Variants in TMEM94 observed in about 807,000 individuals in gnomAD.
The protein encoded by TMEM94 is ER Mg2+ ATPase.
TMEM94 carries 81 observed loss-of-function variants against 158.6 expected under a neutral mutation model. The ratio of observed to expected loss-of-function variants is 0.51; its 90% CI spans 0.43 to 0.61. TMEM94 has a LOEUF of 0.61. Ranked by LOEUF, TMEM94 falls within the 20% of genes least tolerant of loss-of-function variation. The pLI, the probability that TMEM94 is intolerant of heterozygous loss-of-function variation, is 0.00. For missense variants in TMEM94, 1,435 were observed against 1,762.0 expected (o/e 0.81, Z 3.32); for synonymous variants, 751 against 730.7 (o/e 1.03, Z -0.45).
intron 1 of TMEM94, among the ~76,000 whole-genome samples, chr17:75,461,709 G>A (rs986645135): frequency 2.6e-5 from 4 of 151,588 alleles, no homozygotes; most frequent in Non-Finnish European, 4.4e-5. Context: ...GGATCACGAA[G>A]TCAGGAGATC....
Position 75,499,348 on chromosome 17 carries a change from GTGGCTGTAGT to G in TMEM94, c.*17_*26del. 6.2e-7 allele frequency: 1 copy of G among 1,612,192 alleles called. No homozygotes were observed. The highest frequency in any genetic ancestry group is 2.2e-5 in the East Asian group (1 of 44,878). ...TCTCCCTTCTGAGCCACTGGCTGTG[GTGGCTGTAGT>G]TGCCCCCGTCCCTGGGGCTAAAGCC... On this transcript the variant is annotated 3_prime_UTR_variant, in exon 32 of 32. Coordinates refer to ENST00000314256, the MANE Select transcript of TMEM94 (RefSeq NM_014738.6).
intron 16 of TMEM94, 51 bp downstream of exon 16, chr17:75,493,153 G>C: frequency 6.3e-7 from 1 of 1,576,996 alleles, no homozygotes; most frequent in Non-Finnish European, 8.6e-7. Flanking sequence ...CCAGAGCTTG[G>C]CAGGGGGGCT....
intron 1 of TMEM94, among the ~76,000 whole-genome samples, chr17:75,464,667 CCTTCCTTCCTTCTTTCTTTCTTTCTTT>C (rs1567906937): frequency 7.9e-5 from 10 of 127,216 alleles, no homozygotes; most frequent in Non-Finnish European, 1.3e-4. Flanking sequence ...TTCCTTCCTT[CCTTCCTTCCTTCTTTCTTTCTTTCTTT>C]CTTTCTTTCT....
In TMEM94 at chr17:75,485,512, C is replaced by T. The variant is rs747587845; in HGVS notation, c.109C>T (p.His37Tyr). 11 of 1,614,096 alleles carry T rather than the reference C, an allele frequency of 6.8e-6. No individual in the cohort carries two copies. In the South Asian group the frequency reaches 9.9e-5, roughly 14 times the overall value. ...GCAGCTGGAGGCAGTGCTGGAAGGA[C>T]ATCTCAGGGAGCGGAAGAAGTGTCT... ...KEQLEAVLEG[H>Y]LRERKKCLTW... Residue 37 changes from histidine to tyrosine, a missense_variant, in exon 3 of 32, where the codon CAT (histidine) becomes TAT (tyrosine). Transcript: ENST00000314256. The surrounding 1 kb of genome is among the most constrained non-coding windows in gnomAD (Gnocchi z 5.5).
chr17:75,475,060 G>C (rs375238164), intron 2 of TMEM94, among the ~76,000 whole-genome samples: 10 of 152,218 alleles, frequency 6.6e-5, no homozygotes, highest in East Asian at 3.8e-4. Flanking sequence ...GACAGTGTTT[G>C]TGGACTTGTA....
At chr17:75,464,205 C>G (rs1199835737) in intron 1 of TMEM94, among the ~76,000 whole-genome samples, 1 of 152,178 alleles carries the variant, frequency 6.6e-6, no homozygotes, top group Admixed American at 6.5e-5. Context: ...CATGGCAAAC[C>G]AAGATTATCA....
Position 75,488,764 on chromosome 17 carries a change from C to T in TMEM94, c.618C>T (p.Asp206=), listed in dbSNP as rs138567165. Reference sequence around the variant, plus strand: ...CTCCCACTTGCTGCCGGCAGGATGACGAGCACATCGTCCTGGAGCCGGGAG... The same window carrying T: ...CTCCCACTTGCTGCCGGCAGGATGATGAGCACATCGTCCTGGAGCCGGGAG... The part of the protein sequence containing the change: ...SFASLRGIKD[D]EHIVLEPGDL... The change falls in exon 7 of 32, where the codon GAC becomes GAT. Residue 206 remains aspartate (D), a synonymous_variant. Coordinates refer to ENST00000314256, the MANE Select transcript of TMEM94 (RefSeq NM_014738.6). 6,648 of 1,613,768 alleles carry T rather than the reference C, an allele frequency of 4.1e-3. 24 individuals carry two copies. The highest frequency in any genetic ancestry group is 9.4e-3 in the Middle Eastern group (57 of 6,058).
rs2049901117 is a variant in TMEM94 at position 75,456,670 on chromosome 17, C to G, written c.-188C>G. The G allele has an allele frequency of 6.6e-6, 1 of 152,412 alleles. No individual in the cohort carries two copies. The highest frequency in any genetic ancestry group is 1.5e-5 in the Non-Finnish European group (1 of 68,102). The allele number at this position is 152,412 out of a possible 1,614,324, so 9.4% of individuals were successfully genotyped here. Reference sequence around the variant, plus strand: ...TTGCCAGTAACGGACATGGCTGCGGCCCCCGGAGGAGGGGACGTGAAGTGA... The same window carrying G: ...TTGCCAGTAACGGACATGGCTGCGGGCCCCGGAGGAGGGGACGTGAAGTGA... On this transcript the variant is annotated 5_prime_UTR_variant, in exon 1 of 32. Coordinates refer to ENST00000314256, the MANE Select transcript of TMEM94 (RefSeq NM_014738.6).
intron 2 of TMEM94, chr17:75,476,471 A>T (rs926769185): frequency 3.5e-5 from 48 of 1,386,738 alleles, no homozygotes; most frequent in Non-Finnish European, 4.4e-5. Flanking sequence ...TCCCTCCCTG[A>T]ATCTGCAGCG....
At chr17:75,469,998 A>C (rs548116764) in intron 1 of TMEM94, among the ~76,000 whole-genome samples, 3 of 151,874 alleles carry the variant, frequency 2.0e-5, no homozygotes, top group Admixed American at 6.6e-5. Flanking sequence ...GCTTGAACCC[A>C]GGAGGCAGAG....
intron 6 of TMEM94, 109 bp downstream of exon 6, chr17:75,488,243 T>C: frequency 9.6e-7 from 1 of 1,037,666 alleles, no homozygotes. Context: ...GCTTACTGGC[T>C]TTTTGGCAGA....
In TMEM94 at chr17:75,497,216, T is replaced by C; in HGVS notation, c.3407+18T>C. Reference sequence around the variant, plus strand: ...CTGCTCAGGTGAGATGCCATGTATCTTCCCCACACCCCATGCCTAAGCAGG... The same window carrying C: ...CTGCTCAGGTGAGATGCCATGTATCCTCCCCACACCCCATGCCTAAGCAGG... On this transcript the variant is annotated intron_variant, in intron 26 of 31. Transcript: ENST00000314256. The C allele has an allele frequency of 6.2e-7, 1 of 1,600,476 alleles. No individual in the cohort carries two copies. Among genetic ancestry groups the C allele is most frequent in the Non-Finnish European group, 8.6e-7 (1 of 1,168,062 alleles).
At chr17:75,456,774 C>G (rs961183988) in intron 1 of TMEM94, 23 bp downstream of exon 1, 2 of 152,262 alleles carry the variant, frequency 1.3e-5, no homozygotes, top group African/African-American at 2.4e-5. Flanking sequence ...AGGCCCGTGG[C>G]CCGAAAGTGG....
chr17:75,498,826 C>T lies in TMEM94; in HGVS notation c.3828-86C>T. The T allele has an allele frequency of 6.6e-7, 1 of 1,523,022 alleles. No individual in the cohort carries two copies. Among genetic ancestry groups the T allele is most frequent in the Admixed American group, 2.1e-5 (1 of 48,044 alleles). The allele number at this position is 1,523,022 out of a possible 1,614,324, so 94.3% of individuals were successfully genotyped here. On this transcript the variant is annotated intron_variant, in intron 30 of 31. Coordinates refer to ENST00000314256, the MANE Select transcript of TMEM94 (RefSeq NM_014738.6). The surrounding 1 kb of genome is among the most constrained non-coding windows in gnomAD (Gnocchi z 6.7). ...GACCGGGGCCAGTGGTTTAACTGTA[C>T]CCTGCCTGAGCTAACTGTTGTACTG...
In TMEM94 at chr17:75,485,755, G is replaced by A. The variant is rs781384525; in HGVS notation, c.145-116G>A. ...GAGCCCAACAGGCTGGAGCCCAGCC[G>A]AGGTCAAAGAGAGGGGACCAAGGCG... On this transcript the variant is annotated intron_variant, in intron 3 of 31. Transcript: ENST00000314256. This position sits in a 1 kb window ranked among gnomAD's most constrained non-coding sequence, Gnocchi z 5.5. The A allele has an allele frequency of 3.6e-6, 5 of 1,399,148 alleles. No individual in the cohort carries two copies. The highest frequency in any genetic ancestry group is 1.4e-5 in the African/African-American group (1 of 69,176). The allele number at this position is 1,399,148 out of a possible 1,614,324, so 86.7% of individuals were successfully genotyped here.
At position 75,491,551 on chromosome 17, in the gene TMEM94, C is replaced by A; in HGVS notation, c.1386+96C>A. 1 of 1,586,258 alleles carries A rather than the reference C, an allele frequency of 6.3e-7. No individual in the cohort carries two copies. On this transcript the variant is annotated intron_variant, in intron 13 of 31. Coordinates refer to ENST00000314256, the MANE Select transcript of TMEM94 (RefSeq NM_014738.6). This position sits in a 1 kb window ranked among gnomAD's most constrained non-coding sequence, Gnocchi z 5.1. ...CCAGGGAGGGTGAGGTTTCGGAGGG[C>A]GAAGGAGGGTTTGGGCACCATTAGG...
intron 2 of TMEM94, among the ~76,000 whole-genome samples, chr17:75,478,702 A>T (rs1476660489): frequency 6.6e-6 from 1 of 152,230 alleles, no homozygotes; most frequent in Middle Eastern, 3.2e-3. Context: ...GGACTTCCTT[A>T]GAGCCGTGTT....
At chr17:75,484,002 A>G (rs1262386268) in intron 2 of TMEM94, among the ~76,000 whole-genome samples, 2 of 152,148 alleles carry the variant, frequency 1.3e-5, no homozygotes, top group African/African-American at 4.8e-5. Context: ...GAGTCAACGG[A>G]GAAAACAGGA....
intron 2 of TMEM94, among the ~76,000 whole-genome samples, chr17:75,478,218 C>A (rs1359964530): frequency 1.4e-5 from 2 of 140,414 alleles, no homozygotes; most frequent in Admixed American, 1.4e-4. Context: ...GGGGTTTCAC[C>A]GTTTTAGCCG....
Sources: allele counts gnomAD v4.1 joint callset (sites outside exome capture counted in the v4.1 genomes callset), GRCh38; gene constraint gnomAD v4.1.1; non-coding constraint Gnocchi (gnomAD v3.1); transcripts MANE v1.5; gene names NCBI Gene and HGNC (gene_info 2026-07-23, HGNC 2026-07-21).